Variants in RBFOX3 observed in about 807,000 individuals in gnomAD.
RBFOX3 encodes RNA binding fox-1 homolog 3, also known as RNA binding protein fox-1 homolog 3.
RBFOX3 carries 17 observed loss-of-function variants against 48.7 expected under a neutral mutation model. The observed-to-expected ratio is 0.35, with a 90% CI of 0.24 to 0.52. RBFOX3 has a LOEUF of 0.52. Ranked by LOEUF, RBFOX3 falls within the 20% of genes least tolerant of loss-of-function variation. RBFOX3 has a pLI of 0.94. For missense variants in RBFOX3, 382 were observed against 497.5 expected (o/e 0.77, Z 2.21); for synonymous variants, 212 against 209.5 (o/e 1.01, Z -0.10).
chr17:79,620,621 AC>A, the RBFOX3 span, among the ~76,000 whole-genome samples: 1 of 97,928 alleles, frequency 1.0e-5, no homozygotes, highest in South Asian at 4.0e-4. Flanking sequence ...GCACACACGC[AC>A]ATGCACACAC....
intron 1 of RBFOX3, among the ~76,000 whole-genome samples, chr17:79,491,906 C>G (rs2080728979): frequency 6.6e-6 from 1 of 152,024 alleles, no homozygotes; most frequent in African/African-American, 2.4e-5. Context: ...ATGGTGAAAC[C>G]CTGTCTCTAC....
At chr17:79,475,650 A>G (rs1391499205) in intron 2 of RBFOX3, among the ~76,000 whole-genome samples, 2 of 152,350 alleles carry the variant, frequency 1.3e-5, no homozygotes, top group African/African-American at 2.4e-5. Context: ...GAGAACACAC[A>G]GGTGCACACA....
chr17:79,387,996 G>A (rs1011945398), intron 2 of RBFOX3, among the ~76,000 whole-genome samples: 3 of 121,914 alleles, frequency 2.5e-5, no homozygotes, highest in Non-Finnish European at 5.4e-5. Context: ...ATGTGTGAAT[G>A]TGTACGTGTG....
At chr17:79,563,232 A>C (rs986313690) in intron 1 of RBFOX3, among the ~76,000 whole-genome samples, 40 of 150,694 alleles carry the variant, frequency 2.7e-4, no homozygotes, top group African/African-American at 8.9e-4. Context: ...AAAAAAAAAA[A>C]ACAAAAAAAC....
rs2031712115 is a variant in RBFOX3, at chr17:79,111,853, G to A, written c.222+3641C>T. Among the ~76,000 whole-genome samples the A allele has an allele frequency of 6.6e-6, 1 of 152,256 alleles. No homozygotes were observed. Among genetic ancestry groups the A allele is most frequent in the African/African-American group, 2.4e-5 (1 of 41,470 alleles). ...ATGGTGACCCCTGCTGGGGAACACAGACCCTGGGGGTGGCTCAAGGTAGTG... is the reference window on the plus strand; with the variant it reads ...ATGGTGACCCCTGCTGGGGAACACAAACCCTGGGGGTGGCTCAAGGTAGTG... On this transcript the variant is annotated intron_variant, in intron 5 of 14. Transcript: ENST00000693108. This position sits in a 1 kb window ranked among gnomAD's most constrained non-coding sequence, Gnocchi z 4.2.
In RBFOX3 at chr17:79,097,418, C is replaced by G; in HGVS notation, c.629G>C (p.Gly210Ala). The change falls in exon 11 of 15, where the codon GGG becomes GCG. Residue 210 changes from glycine to alanine, a missense_variant. Around this residue, in one of 3 missense-constraint regions of RBFOX3, gnomAD observed 215 missense variants for 254.8 expected, o/e 0.84. Coordinates refer to ENST00000693108, the MANE Select transcript of RBFOX3 (RefSeq NM_001350451.2). ...VYGPEFYAVT[G>A]FPYPTTGTAV... The stretch of plus-strand genomic sequence containing the variant: ...TGTGCCGGTGGTGGGGTAGGGGAAC[C>G]CCGTCACTGCAGGAAACGGGGCCCG... The G allele has an allele frequency of 1.3e-6, 2 of 1,545,768 alleles. No homozygotes were observed. The highest frequency in any genetic ancestry group is 1.7e-6 in the Non-Finnish European group (2 of 1,144,720).
At chr17:79,169,491 C>A (rs867814154) in intron 4 of RBFOX3, among the ~76,000 whole-genome samples, 38 of 152,324 alleles carry the variant, frequency 2.5e-4, no homozygotes, top group Admixed American at 5.2e-4. Flanking sequence ...ACCCAGGACC[C>A]AGGACCCAGG....
chr17:79,499,857 G>T (rs1228747611), intron 1 of RBFOX3, among the ~76,000 whole-genome samples: 2 of 152,312 alleles, frequency 1.3e-5, no homozygotes, highest in Non-Finnish European at 2.9e-5. Context: ...ACCAACAAAA[G>T]AGTATGCATT....
intron 2 of RBFOX3, among the ~76,000 whole-genome samples, chr17:79,379,460 C>A (rs899746704): frequency 6.6e-6 from 1 of 152,210 alleles, no homozygotes; most frequent in Non-Finnish European, 1.5e-5. Flanking sequence ...GAGACACACA[C>A]TTGTCTCCAT....
intron 2 of RBFOX3, among the ~76,000 whole-genome samples, chr17:79,385,698 G>C (rs1478351101): frequency 6.6e-6 from 1 of 152,152 alleles, no homozygotes; most frequent in Non-Finnish European, 1.5e-5. Context: ...TGACAGACGG[G>C]CTCCATCAGC....
intron 2 of RBFOX3, among the ~76,000 whole-genome samples, chr17:79,439,676 G>A (rs1404934853): frequency 1.3e-5 from 2 of 152,232 alleles, no homozygotes; most frequent in Non-Finnish European, 2.9e-5. Context: ...AAGCATGATC[G>A]CATGTGCACA....
chr17:79,554,460 C>T lies in RBFOX3; in HGVS notation c.-320+56366G>A, dbSNP rs1200086811. ...CCTCTCCATCTTCACTCACAGTCAC[C>T]CCTCACCTGGCCCTCTCCATCTTCA... On this transcript the variant is annotated intron_variant, in intron 1 of 14. Transcript: ENST00000693108. Among the ~76,000 whole-genome samples, 7 of 137,266 alleles carry T rather than the reference C, an allele frequency of 5.1e-5. 2 individuals are homozygous for T. The highest frequency in any genetic ancestry group is 9.8e-5 in the Non-Finnish European group (6 of 61,536). 90.1% of individuals were successfully genotyped at this position (137,266 alleles called of 152,430 possible).
At chr17:79,301,590 T>C (rs114808490) in intron 3 of RBFOX3, among the ~76,000 whole-genome samples, 8,483 of 152,244 alleles carry the variant, frequency 0.056, 297 homozygotes, top group African/African-American at 0.097. Flanking sequence ...CGCTGGAAAG[T>C]GAGTTTCCTA....
chr17:79,340,594 T>G (rs1338285987), intron 2 of RBFOX3, among the ~76,000 whole-genome samples: 1 of 152,104 alleles, frequency 6.6e-6, no homozygotes, highest in Non-Finnish European at 1.5e-5. Flanking sequence ...TGGGGGTGAT[T>G]AAAGGCAACC....
intron 2 of RBFOX3, among the ~76,000 whole-genome samples, chr17:79,347,647 C>A (rs781370558): frequency 1.3e-5 from 2 of 152,140 alleles, no homozygotes; most frequent in Non-Finnish European, 2.9e-5. Flanking sequence ...GTACTTTTCT[C>A]CTGTATCGCA....
intron 14 of RBFOX3, among the ~76,000 whole-genome samples, chr17:79,091,484 C>T (rs2073883987): frequency 6.6e-6 from 1 of 152,252 alleles, no homozygotes; most frequent in Non-Finnish European, 1.5e-5. Context: ...GAGGTCCCAG[C>T]CAGTGTCTCC....
rs571756294 is a variant in RBFOX3 at position 79,210,517 on chromosome 17, G to T, written c.-34+25249C>A. The stretch of plus-strand genomic sequence containing the variant: ...TTCACGTAACTATCCCTTTACGGCG[G>T]ACAGGTAAGATGATGCCAGAGGGGT... On this transcript the variant is annotated intron_variant, in intron 4 of 14. Coordinates refer to ENST00000693108, the MANE Select transcript of RBFOX3 (RefSeq NM_001350451.2). 4.6e-5 allele frequency among the ~76,000 whole-genome samples: 7 copies of T among 152,356 alleles called. No homozygotes were observed. The East Asian group carries it at 1.2e-3, about 25-fold the overall frequency.
chr17:79,209,860 G>C (rs1022337216), intron 4 of RBFOX3, among the ~76,000 whole-genome samples: 1 of 152,226 alleles, frequency 6.6e-6, no homozygotes, highest in Non-Finnish European at 1.5e-5. Context: ...AGCCGGGCGT[G>C]GTGGTGGCCG....
At chr17:79,547,764 C>T (rs1286082239) in intron 1 of RBFOX3, among the ~76,000 whole-genome samples, 2 of 152,228 alleles carry the variant, frequency 1.3e-5, no homozygotes, top group Non-Finnish European at 2.9e-5. Context: ...CTTTAGGGGG[C>T]AGCAGGCAGG....
Sources: gnomAD v4.1 joint callset for allele counts (sites outside exome capture counted in the v4.1 genomes callset) on GRCh38, gnomAD v4.1.1 for gene constraint, gnomAD v4.1.1 regional missense constraint, Gnocchi (gnomAD v3.1) non-coding constraint, MANE v1.5 for transcripts, NCBI Gene and HGNC (gene_info 2026-07-23, HGNC 2026-07-21) for gene names.